Variants in ROBO2 observed in about 807,000 individuals in gnomAD.
The protein encoded by ROBO2 is roundabout guidance receptor 2.
ROBO2 carries 53 observed loss-of-function variants against 160.8 expected under a neutral mutation model. The observed-to-expected ratio is 0.33, with a 90% CI of 0.26 to 0.41. The LOEUF is 0.41. Among genes scored for constraint, ROBO2 ranks in the 10% least tolerant of loss-of-function variants. The pLI is 1.00. For synonymous variants in ROBO2, 664 were observed against 611.7 expected (o/e 1.09, Z -1.26); for missense variants, 1,577 against 1,722.4 (o/e 0.92, Z 1.49).
At chr3:76,093,961 A>T (rs1462137046) in intron 2 of ROBO2, among the ~76,000 whole-genome samples, 3 of 152,198 alleles carry the variant, frequency 2.0e-5, no homozygotes, top group African/African-American at 4.8e-5. Context: ...GATATCAAGC[A>T]TTTGAGGTTT....
chr3:76,860,768 C>CA (rs5850294), intron 2 of ROBO2, among the ~76,000 whole-genome samples: 18,922 of 152,088 alleles, frequency 0.12, 1,342 homozygotes, highest in East Asian at 0.24. Context: ...TAACAACAAA[C>CA]AAAAAAATCA....
At chr3:76,873,572 T>C (rs2148694855) in intron 2 of ROBO2, among the ~76,000 whole-genome samples, 1 of 152,218 alleles carries the variant, frequency 6.6e-6, no homozygotes, top group Non-Finnish European at 1.5e-5. Flanking sequence ...GTAGTAGTAG[T>C]AGTCGTCGTC....
intron 1 of ROBO2, among the ~76,000 whole-genome samples, chr3:77,067,036 A>ACACT (rs1456520796): frequency 6.6e-6 from 1 of 150,662 alleles, no homozygotes; most frequent in Non-Finnish European, 1.5e-5. Context: ...ACTCACACAC[A>ACACT]CACACACACA....
intron 9 of ROBO2, among the ~76,000 whole-genome samples, chr3:77,558,943 G>A (rs1023740779): frequency 6.6e-6 from 1 of 152,044 alleles, no homozygotes; most frequent in South Asian, 2.1e-4. Flanking sequence ...CCAGTTAGGT[G>A]TCATTTAGAG....
chr3:76,258,188 A>T (rs537604339), intron 2 of ROBO2, among the ~76,000 whole-genome samples: 1 of 151,830 alleles, frequency 6.6e-6, no homozygotes, highest in South Asian at 2.1e-4. Context: ...TCTCCATTTT[A>T]TGGTGTCTTT....
chr3:77,593,117 C>A (rs866420917), intron 17 of ROBO2, among the ~76,000 whole-genome samples: 12 of 151,988 alleles, frequency 7.9e-5, no homozygotes, highest in African/African-American at 2.9e-4. Context: ...TGAGGTGTAA[C>A]CCATGAGCAT....
intron 2 of ROBO2, among the ~76,000 whole-genome samples, chr3:76,553,716 C>A (rs537617005): frequency 3.9e-5 from 6 of 152,212 alleles, no homozygotes; most frequent in African/African-American, 1.2e-4. Flanking sequence ...CTTTCTGTTT[C>A]ATGTAAATGT....
At chr3:77,603,188 T>C in intron 20 of ROBO2, 1 of 406,238 alleles carries the variant, frequency 2.5e-6, no homozygotes, top group East Asian at 7.2e-5. Context: ...TGACAACAGT[T>C]TATGCTAATG....
intron 2 of ROBO2, among the ~76,000 whole-genome samples, chr3:76,946,039 G>A (rs4855994): frequency 1.3e-5 from 2 of 151,984 alleles, no homozygotes; most frequent in Non-Finnish European, 1.5e-5. Context: ...TTTTGTAGTC[G>A]TATAAATATT....
intron 2 of ROBO2, among the ~76,000 whole-genome samples, chr3:76,267,334 A>C (rs1707160954): frequency 1.3e-5 from 2 of 152,216 alleles, no homozygotes; most frequent in African/African-American, 4.8e-5. Context: ...AATTATAAAT[A>C]GAATGCCCTG....
chr3:77,334,385 A>C (rs142763544), intron 2 of ROBO2, among the ~76,000 whole-genome samples: 2 of 152,252 alleles, frequency 1.3e-5, no homozygotes, highest in Non-Finnish European at 2.9e-5. Context: ...TTCGGGCACT[A>C]ATTTTCTTTC....
chr3:77,031,525 A>T (rs1022465756), intron 2 of ROBO2, among the ~76,000 whole-genome samples: 6 of 146,468 alleles, frequency 4.1e-5, no homozygotes, highest in Non-Finnish European at 7.5e-5. Context: ...TCTACTATAT[A>T]ATATATTCAT....
chr3:76,893,137 A>G (rs2074479449), intron 2 of ROBO2, among the ~76,000 whole-genome samples: 1 of 152,094 alleles, frequency 6.6e-6, no homozygotes. Context: ...TTCAAAATAT[A>G]CGGTACGCAT....
intron 2 of ROBO2, among the ~76,000 whole-genome samples, chr3:77,412,619 G>A (rs1433568676): frequency 6.6e-6 from 1 of 152,140 alleles, no homozygotes; most frequent in African/African-American, 2.4e-5. Context: ...CCAAGGCTTG[G>A]GCAATCTCTG....
intron 2 of ROBO2, among the ~76,000 whole-genome samples, chr3:76,907,823 G>GGTGTGTGTGTATGT (rs1553687243): frequency 2.8e-5 from 4 of 145,432 alleles, no homozygotes. Flanking sequence ...GTTTGTTTGG[G>GGTGTGTGTGTATGT]GTGTGTGTGT....
At chr3:76,928,043 A>G (rs766565542) in intron 2 of ROBO2, among the ~76,000 whole-genome samples, 1 of 152,226 alleles carries the variant, frequency 6.6e-6, no homozygotes, top group Non-Finnish European at 1.5e-5. Context: ...TGAGTAAGTC[A>G]GGCTACATGG....
At chr3:76,197,904 G>C (rs1329421062) in intron 2 of ROBO2, among the ~76,000 whole-genome samples, 1 of 152,162 alleles carries the variant, frequency 6.6e-6, no homozygotes, top group Admixed American at 6.6e-5. Flanking sequence ...AACAATATAA[G>C]TATCCTGGTT....
At chr3:76,617,052 T>C (rs2088641798) in intron 2 of ROBO2, among the ~76,000 whole-genome samples, 1 of 152,114 alleles carries the variant, frequency 6.6e-6, no homozygotes, top group Non-Finnish European at 1.5e-5. Flanking sequence ...CCCAGGGCAT[T>C]GGATATATAT....
chr3:76,031,753 T>G (rs1043836891), intron 2 of ROBO2, among the ~76,000 whole-genome samples: 10 of 152,090 alleles, frequency 6.6e-5, no homozygotes, highest in Admixed American at 4.6e-4. Flanking sequence ...TGTGCTGCTG[T>G]ATTTGGTTTG....
Sources: allele counts gnomAD v4.1 joint callset (sites outside exome capture counted in the v4.1 genomes callset), GRCh38; gene constraint gnomAD v4.1.1; transcripts MANE v1.5; gene names NCBI Gene and HGNC (gene_info 2026-07-23, HGNC 2026-07-21).